SLC9A6: variants seen among roughly 807,000 people sequenced by gnomAD.
The protein encoded by SLC9A6 is solute carrier family 9 member A6.
Under a neutral mutation model 45.3 loss-of-function variants are expected in SLC9A6, and 6 were observed. The observed-to-expected ratio is 0.13, with a 90% CI of 0.07 to 0.26. The LOEUF (loss-of-function observed/expected upper bound fraction) is 0.26. Among genes scored for constraint, SLC9A6 ranks in the 10% least tolerant of loss-of-function variants. The probability of loss-of-function intolerance (pLI) is 1.00; values close to 1 mark genes in which losing one functional copy is unlikely to be tolerated. For missense variants in SLC9A6, 278 were observed against 503.7 expected (o/e 0.55, Z 4.29); for synonymous variants, 191 against 187.7 (o/e 1.02, Z -0.14).
At chrX:136,004,526 CT>C (rs1285172321) in intron 7 of SLC9A6, among the ~76,000 whole-genome samples, 3 of 111,854 alleles carry the variant, frequency 2.7e-5, no homozygotes, top group South Asian at 3.7e-4. Context: ...TTAATTTTCA[CT>C]TTGTTAGTTA....
intron 8 of SLC9A6, among the ~76,000 whole-genome samples, chrX:136,010,970 A>G (rs782650942): frequency 1.8e-5 from 2 of 112,316 alleles, no homozygotes; most frequent in Admixed American, 9.4e-5. Context: ...GAAATGTACA[A>G]CAGCGACGCC....
intron 1 of SLC9A6, among the ~76,000 whole-genome samples, chrX:135,977,992 C>T (rs782222792): frequency 8.9e-6 from 1 of 112,157 alleles, no homozygotes; most frequent in Admixed American, 9.4e-5. Context: ...AACTTCACTG[C>T]GCCTCAGTTT....
Position 135,985,442 on chromosome X carries a change from C to G in SLC9A6, c.-92C>G. 1.1e-6 allele frequency: 1 copy of G among 884,560 alleles called. No homozygotes were observed. Among genetic ancestry groups the G allele is most frequent in the Non-Finnish European group, 1.5e-6 (1 of 681,138 alleles). The allele number at this position is 884,560 out of a possible 1,213,427, so 72.9% of individuals were successfully genotyped here. A position where few individuals can be genotyped will look rare whatever the true frequency, so the allele number is the denominator to read the frequency against. On this transcript the variant is annotated 5_prime_UTR_variant, in exon 1 of 18. Transcript: ENST00000630721. Reference sequence around the variant, plus strand: ...GCCCCGCCCCTTTCCCGTGAGCCCTCGGGGAGTGGTCCGACCGCGGGCGGC... The same window carrying G: ...GCCCCGCCCCTTTCCCGTGAGCCCTGGGGGAGTGGTCCGACCGCGGGCGGC...
chrX:135,999,130 T>C (rs1556617052), intron 6 of SLC9A6, among the ~76,000 whole-genome samples, 162 bp downstream of exon 6: 1 of 111,061 alleles, frequency 9.0e-6, no homozygotes, highest in Non-Finnish European at 1.9e-5. Context: ...ATGATTCCTT[T>C]TGGCTTCAGC....
At position 136,016,638 on chromosome X, in the gene SLC9A6, G is replaced by C; in HGVS notation, c.1081-7G>C. 9.8e-7 allele frequency: 1 copy of C among 1,019,972 alleles called. No homozygotes were observed. 84.1% of individuals were successfully genotyped at this position (1,019,972 alleles called of 1,213,427 possible). On this transcript the variant is annotated splice_polypyrimidine_tract_variant and splice_region_variant and intron_variant, in intron 10 of 17. Transcript: ENST00000630721. ...TGCTGGACTAATCTTTTACAATTTC[G>C]TTTCAGTTGTTTGAGCTTCTCAATT...
chrX:136,021,035 A>G (rs2071118314), intron 11 of SLC9A6, among the ~76,000 whole-genome samples: 1 of 110,518 alleles, frequency 9.0e-6, no homozygotes, highest in Non-Finnish European at 1.9e-5. Flanking sequence ...GCTCAGTGTT[A>G]CTTGGTGTCT....
chrX:135,996,761 T>TTTTG (rs781998413), intron 3 of SLC9A6, among the ~76,000 whole-genome samples: 17 of 111,078 alleles, frequency 1.5e-4, no homozygotes, highest in Admixed American at 3.8e-4. Context: ...TTTTGTTTTT[T>TTTTG]TTTGTTTGTT....
chrX:135,976,742 C>T (rs2089265130), intron 1 of SLC9A6, among the ~76,000 whole-genome samples: 1 of 112,050 alleles, frequency 8.9e-6, no homozygotes. Context: ...AAAAGAAATT[C>T]AATAATGAAT....
intron 2 of SLC9A6, among the ~76,000 whole-genome samples, chrX:135,986,477 T>G (rs1477408380): frequency 9.0e-6 from 1 of 111,145 alleles, no homozygotes; most frequent in Admixed American, 9.6e-5. Context: ...TGGATACCTG[T>G]GGTTGACCCT....
chrX:135,986,833 T>C (rs2089346871), intron 2 of SLC9A6, among the ~76,000 whole-genome samples: 1 of 111,476 alleles, frequency 9.0e-6, no homozygotes, highest in South Asian at 3.8e-4. Context: ...TGTATTAATC[T>C]GTGCGGGTAT....
chrX:135,985,357 G>A (rs2089313158), upstream of SLC9A6: 6 of 341,956 alleles, frequency 1.8e-5, no homozygotes, highest in Non-Finnish European at 1.9e-5. Context: ...AGCGAGCTTG[G>A]GATGCCGCGG....
intron 17 of SLC9A6, among the ~76,000 whole-genome samples, chrX:136,042,684 A>G (rs1362090872): frequency 9.0e-6 from 1 of 111,574 alleles, no homozygotes; most frequent in African/African-American, 3.3e-5. Flanking sequence ...AAATATGTGT[A>G]TATATGGCTT....
intron 16 of SLC9A6, among the ~76,000 whole-genome samples, chrX:136,036,259 T>A (rs2071411666): frequency 8.9e-6 from 1 of 111,883 alleles, no homozygotes; most frequent in African/African-American, 3.2e-5. Context: ...TTTGCATTTC[T>A]CTGATGACCA....
upstream of SLC9A6, among the ~76,000 whole-genome samples, chrX:135,982,142 G>A (rs2089288274): frequency 9.0e-6 from 1 of 111,430 alleles, no homozygotes; most frequent in Admixed American, 9.5e-5. Context: ...ACAGATAGCA[G>A]GCTGGATTTG....
At chrX:136,037,022 C>G (rs1167300093) in intron 16 of SLC9A6, among the ~76,000 whole-genome samples, 2 of 112,256 alleles carry the variant, frequency 1.8e-5, no homozygotes, top group Non-Finnish European at 3.8e-5. Context: ...AATCACTTGG[C>G]TGTATAAGTG....
chrX:136,002,058 TG>T (rs782462777), intron 6 of SLC9A6, 49 bp from the exon 7 acceptor site: 5 of 796,468 alleles, frequency 6.3e-6, no homozygotes, highest in Non-Finnish European at 9.7e-6. Context: ...GAGGAGAATA[TG>T]TTATATTTGT....
intron 14 of SLC9A6, 147 bp from the exon 15 acceptor site, chrX:136,029,985 C>A: frequency 3.6e-6 from 2 of 555,692 alleles, no homozygotes; most frequent in Non-Finnish European, 6.0e-6. Context: ...AGCCAAAAAT[C>A]TGCATCAACA....
intron 13 of SLC9A6, among the ~76,000 whole-genome samples, chrX:136,026,081 T>C (rs782672134): frequency 2.7e-5 from 3 of 112,577 alleles, no homozygotes; most frequent in South Asian, 3.7e-4. Context: ...TCCTGTAACA[T>C]AGTTGGTCAC....
chrX:136,004,386 G>A (rs1369382589), intron 7 of SLC9A6, among the ~76,000 whole-genome samples: 2 of 110,874 alleles, frequency 1.8e-5, no homozygotes, highest in Admixed American at 1.9e-4. Context: ...ACCATGCCTG[G>A]CCCCTGCCTA....
Sources: allele counts gnomAD v4.1 joint callset (sites outside exome capture counted in the v4.1 genomes callset), GRCh38; gene constraint gnomAD v4.1.1; transcripts MANE v1.5; gene names NCBI Gene and HGNC (gene_info 2026-07-23, HGNC 2026-07-21).